The following LNX1 variants were observed in gnomAD, a reference collection of about 807,000 sequenced individuals.
LNX1 encodes E3 ubiquitin-protein ligase LNX.
A neutral mutation model predicts 68.4 loss-of-function variants in LNX1; 54 were observed. The observed-to-expected ratio is 0.79, with a 90% CI of 0.63 to 0.99. The LOEUF (loss-of-function observed/expected upper bound fraction) is 0.99, where lower values mean the gene tolerates loss of function less well. Among genes scored for constraint, LNX1 ranks in the 50% least tolerant of loss-of-function variants. The probability of loss-of-function intolerance (pLI) is 0.00; values close to 1 mark genes in which losing one functional copy is unlikely to be tolerated. For missense variants in LNX1, 906 were observed against 926.4 expected, an observed-to-expected ratio of 0.98 and a Z score of 0.29; for synonymous variants, 336 against 350.0, an observed-to-expected ratio of 0.96 and a Z score of 0.45.
intron 8 of LNX1, 94 bp downstream of exon 8, chr4:53,478,471 C>A (rs566897822): frequency 8.8e-7 from 1 of 1,130,954 alleles, no homozygotes; most frequent in South Asian, 1.6e-5. Context: ...CTCCCACATT[C>A]TCTCATTAAT....
At chr4:53,464,680 C>G (rs1292946947) in intron 9 of LNX1, among the ~76,000 whole-genome samples, 2 of 152,108 alleles carry the variant, frequency 1.3e-5, no homozygotes, top group African/African-American at 4.8e-5. Context: ...GACACTGCTA[C>G]TTGCAGAGGA....
chr4:53,467,644 A>C (rs1408051278), intron 9 of LNX1, among the ~76,000 whole-genome samples: 1 of 152,214 alleles, frequency 6.6e-6, no homozygotes, highest in South Asian at 2.1e-4. Context: ...AGAAGTCCTT[A>C]AAGGACCTGA....
At chr4:53,624,181 T>C (rs2109863610) in intron 1 of LNX1, among the ~76,000 whole-genome samples, 1 of 152,322 alleles carries the variant, frequency 6.6e-6, no homozygotes, top group African/African-American at 2.4e-5. Flanking sequence ...ATGACTCTTT[T>C]ATACCTTTCC....
rs192777885 is a variant in LNX1, at chr4:53,574,649, G to C, written c.-86-561C>G. 2.6e-3 allele frequency among the ~76,000 whole-genome samples: 399 copies of C among 152,282 alleles called. 2 individuals carry two copies. The highest frequency in any genetic ancestry group is 3.7e-3 in the Non-Finnish European group (251 of 68,034). ...CTGTATGCATTTCACTCAGTTGGTC[G>C]TTAGTGGCTAAGTGGGCTCTGGACA... is the stretch of plus-strand genomic sequence containing the variant. On this transcript the variant is annotated intron_variant, in intron 1 of 10. Transcript: ENST00000263925.
chr4:53,567,071 C>T (rs1217111952), intron 2 of LNX1, among the ~76,000 whole-genome samples: 1 of 147,362 alleles, frequency 6.8e-6, no homozygotes, highest in African/African-American at 2.5e-5. Flanking sequence ...CCACTGTCAA[C>T]ATTAGACAGA....
chr4:53,627,601 A>G (rs919797871), intron 1 of LNX1, among the ~76,000 whole-genome samples: 10 of 152,248 alleles, frequency 6.6e-5, no homozygotes, highest in African/African-American at 2.2e-4. Context: ...AGAAAAGAAA[A>G]TTCAAATTAG....
At chr4:53,555,897 A>G (rs528372598) in intron 2 of LNX1, among the ~76,000 whole-genome samples, 79 of 152,294 alleles carry the variant, frequency 5.2e-4, no homozygotes, top group Non-Finnish European at 9.0e-4. Flanking sequence ...AAAATTTTTA[A>G]GTGGTATAAG....
upstream of LNX1, among the ~76,000 whole-genome samples, chr4:53,622,211 G>T (rs1359566904): frequency 6.6e-6 from 1 of 152,132 alleles, no homozygotes; most frequent in Non-Finnish European, 1.5e-5. Context: ...AAAGATGTAC[G>T]TATGTCATAT....
chr4:53,636,450 C>T (rs1334840667), intron 1 of LNX1, among the ~76,000 whole-genome samples: 1 of 151,918 alleles, frequency 6.6e-6, no homozygotes, highest in African/African-American at 2.4e-5. Flanking sequence ...ACATTCTTGT[C>T]CCTCAGAGTA....
At chr4:53,519,325 G>A (rs1390285225) in intron 2 of LNX1, among the ~76,000 whole-genome samples, 2 of 152,098 alleles carry the variant, frequency 1.3e-5, no homozygotes, top group Non-Finnish European at 2.9e-5. Flanking sequence ...GTGGGAAACA[G>A]GAGGCCAACT....
In LNX1 at chr4:53,498,757, TAGAG is replaced by T; in HGVS notation, c.858_861del (p.Ser287LeufsTer24). On this transcript the variant is annotated frameshift_variant, in exon 5 of 11. Transcript: ENST00000263925. LOFTEE classifies it high-confidence loss of function. ...GTTTCGCTACCTCCCACCAGCCTAA[TAGAG>T]AGGCTTTCACTGGGATCTACTCGAT... is the stretch of plus-strand genomic sequence containing the variant. 1 of 1,613,812 alleles carries T rather than the reference TAGAG, an allele frequency of 6.2e-7. No individual in the cohort carries two copies. The highest frequency in any genetic ancestry group is 2.2e-5 in the East Asian group (1 of 44,888).
chr4:53,500,156 ACT>A (rs1725369800), intron 4 of LNX1: 1 of 152,218 alleles, frequency 6.6e-6, no homozygotes, highest in Non-Finnish European at 1.5e-5. Flanking sequence ...TGTGACCGGT[ACT>A]CTCTGTCAGG....
chr4:53,462,636 T>A (rs1049108074), intron 9 of LNX1, among the ~76,000 whole-genome samples: 4 of 152,148 alleles, frequency 2.6e-5, no homozygotes, highest in African/African-American at 9.7e-5. Context: ...GTGACGTGAC[T>A]TTTTTCATGA....
rs1246667728 is a variant in LNX1, at chr4:53,546,198, T to C, written c.380+27425A>G. Among the ~76,000 whole-genome samples, 58 of 152,204 alleles carry C rather than the reference T, an allele frequency of 3.8e-4. 1 individual carries two copies. The highest frequency in any genetic ancestry group is 2.1e-4 in the South Asian group (1 of 4,832). Reference sequence around the variant, plus strand: ...CCTCTCTGCTGCCATCCTTTGTATATGAAACTCTTAGAATTAGATAAAAAT... The same window carrying C: ...CCTCTCTGCTGCCATCCTTTGTATACGAAACTCTTAGAATTAGATAAAAAT... On this transcript the variant is annotated intron_variant, in intron 2 of 10. Coordinates refer to ENST00000263925, the MANE Select transcript of LNX1 (RefSeq NM_001126328.3).
At position 53,573,646 on chromosome 4, in the gene LNX1, G is replaced by A; in HGVS notation, c.357C>T (p.Asp119=). 3 of 1,604,534 alleles carry A rather than the reference G, an allele frequency of 1.9e-6. No individual in the cohort carries two copies. The highest frequency in any genetic ancestry group is 2.6e-6 in the Non-Finnish European group (3 of 1,175,834). Residue 119 remains aspartate (D), a synonymous_variant, in exon 2 of 11, where the codon GAC becomes GAT. Coordinates refer to ENST00000263925, the MANE Select transcript of LNX1 (RefSeq NM_001126328.3). The part of the protein sequence containing the change: ...EHCTQVLQRC[D]LEHHFQTSCK... ...ACCTGGTTTGAAAGTGATGCTCGAG[G>A]TCACAGCGCTGCAACACCTGGGTGC...
chr4:53,499,265 C>T (rs1280073482), intron 4 of LNX1, among the ~76,000 whole-genome samples: 1 of 152,138 alleles, frequency 6.6e-6, no homozygotes, highest in Non-Finnish European at 1.5e-5. Flanking sequence ...CTCAAGTGAT[C>T]TTCCCACCTC....
intron 1 of LNX1, among the ~76,000 whole-genome samples, chr4:53,633,592 C>G (rs1734357560): frequency 6.6e-6 from 1 of 152,146 alleles, no homozygotes; most frequent in South Asian, 2.1e-4. Flanking sequence ...TTTTTGTAAA[C>G]AAGACTCAGG....
chr4:53,496,033 T>A lies in LNX1; in HGVS notation c.1340A>T (p.His447Leu), dbSNP rs1381162941. 6.2e-7 allele frequency: 1 copy of A among 1,612,438 alleles called. No homozygotes were observed. The highest frequency in any genetic ancestry group is 8.5e-7 in the Non-Finnish European group (1 of 1,178,872). ...LRYGSPESAA[H>L]LIQASERRVH... ...TGACCTCTGACTCACCTGAATCAGA[T>A]GAGCCGCACTTTCTGGGCTGCCATA... Residue 447 changes from histidine (H) to leucine (L), a missense_variant, in exon 6 of 11, where the codon CAT becomes CTT. Physicochemically the swap from His to Leu is moderately conservative, Grantham distance 99. Transcript: ENST00000263925.
intron 2 of LNX1, among the ~76,000 whole-genome samples, chr4:53,596,945 C>T (rs1422345416): frequency 6.6e-6 from 1 of 152,128 alleles, no homozygotes; most frequent in African/African-American, 2.4e-5. Flanking sequence ...ATTTTTCATT[C>T]CCTTCCTCAA....
Sources: allele counts gnomAD v4.1 joint callset (sites outside exome capture counted in the v4.1 genomes callset), GRCh38; gene constraint gnomAD v4.1.1; transcripts MANE v1.5; gene names NCBI Gene and HGNC (gene_info 2026-07-23, HGNC 2026-07-21).